Variants in CCDC171 observed in about 807,000 individuals in gnomAD.
The protein encoded by CCDC171 is coiled-coil domain containing 171, also known as coiled-coil domain-containing protein 171.
A neutral mutation model predicts 168.2 loss-of-function variants in CCDC171; 177 were observed. The observed-to-expected ratio is 1.05, with a 90% CI of 0.93 to 1.19. The LOEUF (loss-of-function observed/expected upper bound fraction) is 1.19, where lower values mean the gene tolerates loss of function less well. Among genes scored for constraint, CCDC171 ranks in the 50% most tolerant of loss-of-function variants. CCDC171 has a pLI of 0.00. For missense variants in CCDC171, 1,991 were observed against 1,539.0 expected (o/e 1.29, Z -4.91); for synonymous variants, 687 against 540.8 (o/e 1.27, Z -3.75).
intron 16 of CCDC171, among the ~76,000 whole-genome samples, chr9:15,733,385 C>A (rs1432040908): frequency 6.6e-6 from 1 of 151,614 alleles, no homozygotes; most frequent in Non-Finnish European, 1.5e-5. Context: ...CCATTTTTTT[C>A]CCTATATGTT....
At chr9:15,962,481 T>G (rs1440426466) in intron 25 of CCDC171, among the ~76,000 whole-genome samples, 1 of 152,206 alleles carries the variant, frequency 6.6e-6, no homozygotes, top group Non-Finnish European at 1.5e-5. Context: ...TTCTATCAAT[T>G]TATACAGTTA....
At chr9:16,004,987 A>G (rs1832654962) in intron 3 of CCDC171, among the ~76,000 whole-genome samples, 1 of 152,234 alleles carries the variant, frequency 6.6e-6, no homozygotes, top group Admixed American at 6.5e-5. Flanking sequence ...TGAATAACAT[A>G]TATATTACTC....
At chr9:15,886,361 A>T (rs1819396186) in intron 24 of CCDC171, 1 of 152,322 alleles carries the variant, frequency 6.6e-6, no homozygotes, top group African/African-American at 2.4e-5. Flanking sequence ...AATAAGTAAA[A>T]AGGTGTTCAA....
intron 18 of CCDC171, among the ~76,000 whole-genome samples, chr9:15,757,956 C>A (rs1302944457): frequency 6.6e-6 from 1 of 152,162 alleles, no homozygotes. Flanking sequence ...TGCCAGGATG[C>A]CCAGGCAGAA....
intron 25 of CCDC171, among the ~76,000 whole-genome samples, chr9:15,960,871 G>C (rs2132633956): frequency 6.6e-6 from 1 of 152,262 alleles, no homozygotes; most frequent in African/African-American, 2.4e-5. Flanking sequence ...ACAGCCCTGG[G>C]GAGTATAGAG....
At chr9:15,608,863 T>C (rs1450444470) in intron 6 of CCDC171, among the ~76,000 whole-genome samples, 1 of 131,820 alleles carries the variant, frequency 7.6e-6, no homozygotes, top group Non-Finnish European at 1.5e-5. Flanking sequence ...GAGGCTGAGG[T>C]GAGAGGATTG....
At chr9:15,784,426 ATATTCCTTTAGTT>A in intron 20 of CCDC171, 70 bp from the exon 21 acceptor site, 1 of 817,372 alleles carries the variant, frequency 1.2e-6, no homozygotes, top group Non-Finnish European at 1.9e-6. Context: ...TGTTTGTATT[ATATTCCTTTAGTT>A]TTGAAGGTGA....
chr9:15,779,854 G>C (rs777457501), intron 20 of CCDC171, among the ~76,000 whole-genome samples: 1 of 152,216 alleles, frequency 6.6e-6, no homozygotes, highest in Admixed American at 6.5e-5. Context: ...ATGTCTAACT[G>C]TGTGAAGCAC....
chr9:15,700,244 GC>G (rs2051605967), intron 11 of CCDC171, among the ~76,000 whole-genome samples: 1 of 152,242 alleles, frequency 6.6e-6, no homozygotes, highest in African/African-American at 2.4e-5. Context: ...GGCTGGCACT[GC>G]TGGGGGACCC....
At chr9:15,833,614 T>C (rs2060326097) in intron 21 of CCDC171, among the ~76,000 whole-genome samples, 2 of 152,184 alleles carry the variant, frequency 1.3e-5, no homozygotes, top group South Asian at 2.1e-4. Context: ...GCTTTAGTGG[T>C]TTGTTTTATT....
At chr9:15,782,031 A>G (rs117844003) in intron 20 of CCDC171, among the ~76,000 whole-genome samples, 1 of 151,908 alleles carries the variant, frequency 6.6e-6, no homozygotes, top group Non-Finnish European at 1.5e-5. Flanking sequence ...TAGTGTTGAT[A>G]CCTAGGTGTG....
At chr9:15,557,397 T>A (rs2038899056) in intron 1 of CCDC171, among the ~76,000 whole-genome samples, 1 of 152,136 alleles carries the variant, frequency 6.6e-6, no homozygotes, top group Admixed American at 6.5e-5. Context: ...TCCATTTGTT[T>A]GTGTCCTCTT....
At chr9:15,686,482 T>C (rs1331763635) in intron 10 of CCDC171, among the ~76,000 whole-genome samples, 1 of 151,636 alleles carries the variant, frequency 6.6e-6, no homozygotes, top group African/African-American at 2.4e-5. Flanking sequence ...GCCACTGCAC[T>C]CCAGCTTGGG....
intron 20 of CCDC171, among the ~76,000 whole-genome samples, chr9:15,780,150 A>C (rs2057586338): frequency 6.6e-6 from 1 of 152,218 alleles, no homozygotes; most frequent in African/African-American, 2.4e-5. Flanking sequence ...TATTATTTCA[A>C]GTAGATACAC....
At chr9:15,950,412 A>G (rs1828996811) in intron 25 of CCDC171, among the ~76,000 whole-genome samples, 1 of 152,184 alleles carries the variant, frequency 6.6e-6, no homozygotes, top group African/African-American at 2.4e-5. Context: ...CCATCAGACT[A>G]ACAGCAGATG....
At chr9:15,875,791 C>A (rs1162241648) in intron 24 of CCDC171, 1 of 151,838 alleles carries the variant, frequency 6.6e-6, no homozygotes, top group Non-Finnish European at 1.5e-5. Context: ...CTCATTGCTT[C>A]TTTCATTAGA....
intron 20 of CCDC171, among the ~76,000 whole-genome samples, chr9:15,780,548 A>G (rs1259000092): frequency 6.6e-6 from 1 of 152,164 alleles, no homozygotes; most frequent in South Asian, 2.1e-4. Flanking sequence ...TTTAAAAACG[A>G]GGAAAGTTAA....
intron 23 of CCDC171, among the ~76,000 whole-genome samples, chr9:15,859,292 A>T (rs1421222052): frequency 6.6e-6 from 1 of 151,752 alleles, no homozygotes; most frequent in Non-Finnish European, 1.5e-5. Context: ...AGTTGCTAAT[A>T]TTTTGTTGAG....
chr9:16,001,973 A>C (rs1356635523), intron 3 of CCDC171, among the ~76,000 whole-genome samples: 1 of 151,064 alleles, frequency 6.6e-6, no homozygotes, highest in East Asian at 2.0e-4. Flanking sequence ...AGTAGCTGGG[A>C]CTACAGGCAG....
Sources: allele counts gnomAD v4.1 joint callset (sites outside exome capture counted in the v4.1 genomes callset), GRCh38; gene constraint gnomAD v4.1.1; transcripts MANE v1.5; gene names NCBI Gene and HGNC (gene_info 2026-07-23, HGNC 2026-07-21).